NBEAL1: variants seen among roughly 807,000 people sequenced by gnomAD.
NBEAL1 encodes the protein neurobeachin like 1.
A neutral mutation model predicts 351.3 loss-of-function variants in NBEAL1; 273 were observed. That is an observed-to-expected ratio of 0.78 (90% CI 0.70 to 0.86). The LOEUF (loss-of-function observed/expected upper bound fraction) is 0.86, where lower values mean the gene tolerates loss of function less well. Ranked by LOEUF, NBEAL1 falls within the 40% of genes least tolerant of loss-of-function variation. The pLI, the probability that NBEAL1 is intolerant of heterozygous loss-of-function variation, is 0.00. For missense variants in NBEAL1, 2,961 were observed against 3,201.3 expected (o/e 0.92, Z 1.81); for synonymous variants, 1,050 against 1,086.4 (o/e 0.97, Z 0.66).
At chr2:203,186,661 G>T (rs2064905453) in intron 44 of NBEAL1, among the ~76,000 whole-genome samples, 1 of 152,038 alleles carries the variant, frequency 6.6e-6, no homozygotes, top group African/African-American at 2.4e-5. Context: ...TTGTTTACAG[G>T]AGTATCTTTG....
chr2:203,199,726 C>G (rs1470058136), intron 49 of NBEAL1, among the ~76,000 whole-genome samples: 1 of 151,968 alleles, frequency 6.6e-6, no homozygotes, highest in African/African-American at 2.4e-5. Flanking sequence ...AGTGATCCGC[C>G]CACCTCAGCC....
intron 33 of NBEAL1, among the ~76,000 whole-genome samples, chr2:203,147,137 T>C (rs752796587): frequency 6.6e-6 from 1 of 152,128 alleles, no homozygotes; most frequent in Non-Finnish European, 1.5e-5. Context: ...CCACTGTTAG[T>C]TACTGTTGTA....
chr2:203,015,079 T>A (rs114270587), intron 1 of NBEAL1, 97 bp downstream of exon 1: 40 of 152,194 alleles, frequency 2.6e-4, no homozygotes, highest in African/African-American at 9.2e-4. Flanking sequence ...GGCTGCAGAG[T>A]GAGGGGCGGC....
chr2:203,212,265 G>A (rs1172109679), intron 54 of NBEAL1, among the ~76,000 whole-genome samples: 1 of 152,048 alleles, frequency 6.6e-6, no homozygotes, highest in Non-Finnish European at 1.5e-5. Context: ...GGGCCTAGGT[G>A]CTCAATACTG....
rs561659137 is a variant in NBEAL1 at position 203,120,155 on chromosome 2, G to A, written c.2593-2099G>A. On this transcript the variant is annotated intron_variant, in intron 18 of 55. Transcript: ENST00000683969. ...TTTCTTTTTAGCTACCATTTATGGG[G>A]TGTTAACAATATGTTAAGCACTATG... Among the ~76,000 whole-genome samples the A allele has an allele frequency of 2.0e-5, 3 of 152,252 alleles. No homozygotes were observed. The South Asian group carries it at 6.2e-4, about 32-fold the overall frequency.
intron 54 of NBEAL1, 34 bp from the exon 55 acceptor site, chr2:203,213,484 G>T: frequency 6.4e-7 from 1 of 1,558,898 alleles, no homozygotes; most frequent in Non-Finnish European, 8.8e-7. Flanking sequence ...ATAAATCCGT[G>T]TAATTATGTC....
chr2:203,109,740 G>A (rs926305159), intron 14 of NBEAL1, among the ~76,000 whole-genome samples: 5 of 152,002 alleles, frequency 3.3e-5, no homozygotes, highest in South Asian at 2.1e-4. Context: ...GGCTGGTCTC[G>A]AACTCCTGAC....
intron 4 of NBEAL1, among the ~76,000 whole-genome samples, chr2:203,054,119 G>A (rs938785345): frequency 6.6e-6 from 1 of 151,916 alleles, no homozygotes; most frequent in Non-Finnish European, 1.5e-5. Flanking sequence ...CTGGCCAATT[G>A]TTTTAAAAAA....
chr2:203,099,264 G>A (rs1351839732), intron 11 of NBEAL1, among the ~76,000 whole-genome samples: 3 of 137,904 alleles, frequency 2.2e-5, no homozygotes, highest in Admixed American at 7.6e-5. Flanking sequence ...CAACAAGAAC[G>A]AAACTCCATC....
At chr2:203,213,474 A>T (rs368277845) in intron 54 of NBEAL1, 44 bp from the exon 55 acceptor site, 1 of 1,514,962 alleles carries the variant, frequency 6.6e-7, no homozygotes. Context: ...TGAATTCATT[A>T]TAAATCCGTG....
At chr2:203,057,277 A>G in intron 5 of NBEAL1, 49 bp from the exon 6 acceptor site, 1 of 1,467,970 alleles carries the variant, frequency 6.8e-7, no homozygotes, top group Non-Finnish European at 9.3e-7. Context: ...ACTTATTGTT[A>G]GATGATAAGT....
At chr2:203,019,501 T>A (rs1443521520) in intron 2 of NBEAL1, among the ~76,000 whole-genome samples, 1 of 152,186 alleles carries the variant, frequency 6.6e-6, no homozygotes, top group Admixed American at 6.5e-5. Context: ...TTGCCCTGCT[T>A]GGTTTGATGT....
chr2:203,024,607 GTT>G (rs1377816415), intron 2 of NBEAL1, among the ~76,000 whole-genome samples: 2 of 151,496 alleles, frequency 1.3e-5, no homozygotes, highest in Non-Finnish European at 2.9e-5. Context: ...GGATTTGACA[GTT>G]TACATATTAT....
In NBEAL1 at chr2:203,036,016, A is replaced by G. The variant is rs928973660; in HGVS notation, c.52-5749A>G. 7.4e-5 allele frequency among the ~76,000 whole-genome samples: 11 copies of G among 149,462 alleles called. 2 individuals are homozygous for G. The highest frequency in any genetic ancestry group is 6.7e-4 in the Admixed American group (10 of 14,858). On this transcript the variant is annotated intron_variant, in intron 2 of 55. Coordinates refer to ENST00000683969, the MANE Select transcript of NBEAL1 (RefSeq NM_001378026.1). The stretch of plus-strand genomic sequence containing the variant: ...TAGAGGAAGAAAGTCATGTACAAAC[A>G]TAGGCTGACTTGTTTAAGAAAGTAA...
At chr2:203,166,607 T>G (rs530930483) in intron 37 of NBEAL1, among the ~76,000 whole-genome samples, 1 of 152,264 alleles carries the variant, frequency 6.6e-6, no homozygotes, top group Admixed American at 6.5e-5. Context: ...AGTGCAATGG[T>G]GCGATCTCGG....
intron 55 of NBEAL1, 111 bp from the exon 56 acceptor site, chr2:203,217,142 A>G: frequency 1.3e-6 from 1 of 759,958 alleles, no homozygotes; most frequent in Non-Finnish European, 1.9e-6. Flanking sequence ...AGTGTTAATA[A>G]TTCTGCTAAC....
chr2:203,141,345 A>ATTC (rs2063362968), intron 31 of NBEAL1, among the ~76,000 whole-genome samples: 1 of 14,006 alleles, frequency 7.1e-5, no homozygotes, highest in African/African-American at 2.0e-4. Context: ...AAGACAGATT[A>ATTC]TTATTATTAT....
chr2:203,166,239 A>T lies in NBEAL1; in HGVS notation c.5805A>T (p.Arg1935Ser). 1.2e-6 allele frequency: 2 copies of T among 1,611,860 alleles called. No individual in the cohort carries two copies. The highest frequency in any genetic ancestry group is 1.7e-6 in the Non-Finnish European group (2 of 1,179,380). Residue 1935 changes from arginine (R) to serine (S), a missense_variant, in exon 37 of 56, where the codon AGA becomes AGT. Coordinates refer to ENST00000683969, the MANE Select transcript of NBEAL1 (RefSeq NM_001378026.1). ...LITIIDVIPG[R>S]LEITTQHIYF... is the part of the protein sequence containing the mutation. ...CAATAATTGATGTAATTCCTGGCAG[A>T]TTAGAAATCACTACTCAACACATTT...
intron 9 of NBEAL1, among the ~76,000 whole-genome samples, chr2:203,084,144 T>G (rs2061923208): frequency 6.6e-6 from 1 of 152,158 alleles, no homozygotes; most frequent in South Asian, 2.1e-4. Flanking sequence ...CATGTAAGGT[T>G]GTTAAATACA....
Sources: gnomAD v4.1 joint callset for allele counts (sites outside exome capture counted in the v4.1 genomes callset) on GRCh38, gnomAD v4.1.1 for gene constraint, MANE v1.5 for transcripts, NCBI Gene and HGNC (gene_info 2026-07-23, HGNC 2026-07-21) for gene names.